Variants in DGKI observed in about 807,000 individuals in gnomAD.
DGKI encodes DAG kinase iota.
Under a neutral mutation model 147.5 loss-of-function variants are expected in DGKI, and 55 were observed. The observed-to-expected ratio is 0.37, with a 90% confidence interval of 0.30 to 0.47. DGKI has a LOEUF of 0.47. DGKI is among the 20% of genes least tolerant of loss of function. DGKI has a pLI of 1.00. For missense variants in DGKI, 1,007 were observed against 1,323.8 expected, an observed-to-expected ratio of 0.76 and a Z score of 3.71; for synonymous variants, 469 against 477.1, an observed-to-expected ratio of 0.98 and a Z score of 0.22.
chr7:137,646,820 AG>A (rs1402273135), intron 5 of DGKI, among the ~76,000 whole-genome samples: 2 of 152,192 alleles, frequency 1.3e-5, no homozygotes, highest in African/African-American at 4.8e-5. Flanking sequence ...ATCAGTGTAG[AG>A]GGAAAAAAGG....
At chr7:137,577,457 CT>C (rs1316591389) in intron 16 of DGKI, among the ~76,000 whole-genome samples, 173 bp from the exon 17 acceptor site, 2 of 152,098 alleles carry the variant, frequency 1.3e-5, no homozygotes, top group African/African-American at 4.8e-5. Flanking sequence ...TGAAATTTTT[CT>C]CTTTGTTTCC....
chr7:137,572,745 A>G lies in DGKI; in HGVS notation c.1835+20T>C, dbSNP rs1457077927. ...TCAGAGTTCACGTCAAACCAAGGAA[A>G]CAATACAAACAGAGCCTACCTGGGT... On this transcript the variant is annotated intron_variant, in intron 18 of 32. Coordinates refer to ENST00000614521, the MANE Select transcript of DGKI (RefSeq NM_001321708.2). The G allele has an allele frequency of 6.5e-7, 1 of 1,548,584 alleles. No homozygotes were observed. Among genetic ancestry groups the G allele is most frequent in the East Asian group, 2.3e-5 (1 of 44,256 alleles).
chr7:137,677,539 T>C (rs1823076577), intron 3 of DGKI, among the ~76,000 whole-genome samples: 1 of 152,206 alleles, frequency 6.6e-6, no homozygotes, highest in Non-Finnish European at 1.5e-5. Context: ...AAAAAGGTCT[T>C]GGTTCTGGGA....
At chr7:137,570,093 T>C (rs1469678634) in intron 19 of DGKI, among the ~76,000 whole-genome samples, 1 of 152,160 alleles carries the variant, frequency 6.6e-6, no homozygotes, top group African/African-American at 2.4e-5. Context: ...TATTTTGATT[T>C]GTTTAGAATG....
rs535646640 is a variant in DGKI at position 137,699,789 on chromosome 7, C to T, written c.402-9787G>A. Among the ~76,000 whole-genome samples the T allele has an allele frequency of 2.0e-5, 3 of 152,282 alleles. No homozygotes were observed. The South Asian group carries it at 6.2e-4, about 32-fold the overall frequency. On this transcript the variant is annotated intron_variant, in intron 1 of 32. Coordinates refer to ENST00000614521, the MANE Select transcript of DGKI (RefSeq NM_001321708.2). ...TGCTAGCACACTTGGTCCCTTCCCC[C>T]TTCAATTTCACCTGGACGCCTATAC... is the stretch of plus-strand genomic sequence containing the variant.
At chr7:137,696,574 G>A (rs1422896816) in intron 1 of DGKI, among the ~76,000 whole-genome samples, 1 of 150,496 alleles carries the variant, frequency 6.6e-6, no homozygotes, top group African/African-American at 2.5e-5. Context: ...CATCCATAAG[G>A]CAACACTGGT....
intron 28 of DGKI, among the ~76,000 whole-genome samples, chr7:137,422,940 C>G (rs1812638277): frequency 6.6e-6 from 1 of 152,150 alleles, no homozygotes; most frequent in South Asian, 2.1e-4. Context: ...AAAATAATTA[C>G]AGTACACTGT....
rs562575503 is a variant in DGKI at position 137,578,154 on chromosome 7, A to T, written c.1698+116T>A. On this transcript the variant is annotated intron_variant, in intron 16 of 32. Coordinates refer to ENST00000614521, the MANE Select transcript of DGKI (RefSeq NM_001321708.2). ...GCCATGAAACAGTAACCATAGATAGACATATATAAATGAGATGTATATGTG... is the reference window on the plus strand; with the variant it reads ...GCCATGAAACAGTAACCATAGATAGTCATATATAAATGAGATGTATATGTG... 4.0e-5 allele frequency: 27 copies of T among 673,076 alleles called. No individual in the cohort carries two copies. The South Asian group carries it at 4.6e-4, about 11-fold the overall frequency. The allele number at this position is 673,076 out of a possible 1,614,324, so 41.7% of individuals were successfully genotyped here.
chr7:137,526,639 G>T lies in DGKI; in HGVS notation c.2148-4673C>A, dbSNP rs1465299527. Among the ~76,000 whole-genome samples, 6 of 152,084 alleles carry T rather than the reference G, an allele frequency of 3.9e-5. 1 individual carries two copies. Among genetic ancestry groups the T allele is most frequent in the Admixed American group, 3.3e-4 (5 of 15,262 alleles). ...ACCTTTTACCCTGAGATGTTGGAAG[G>T]GAGGTAGACTGACTTTCCATTAAGA... On this transcript the variant is annotated intron_variant, in intron 20 of 32. Coordinates refer to ENST00000614521, the MANE Select transcript of DGKI (RefSeq NM_001321708.2).
Position 137,846,161 on chromosome 7 carries a change from T to TCTCTCTCTCACACACA in DGKI, c.401+300_401+301insTGTGTGTGAGAGAGAG, listed in dbSNP as rs781580130. Reference sequence around the variant, plus strand: ...CTCTCTCTCTCTCTCTCTCTCTCTCTCACACACACACACACACACACACAC... The same window carrying TCTCTCTCTCACACACA: ...CTCTCTCTCTCTCTCTCTCTCTCTCTCTCTCTCTCACACACACACACACACACACACACACACACAC... On this transcript the variant is annotated intron_variant, in intron 1 of 32. Transcript: ENST00000614521. This position sits in a 1 kb window ranked among gnomAD's most constrained non-coding sequence, Gnocchi z 4.0. Among the ~76,000 whole-genome samples the TCTCTCTCTCACACACA allele has an allele frequency of 1.3e-4, 14 of 108,218 alleles. No individual in the cohort carries two copies. The South Asian group carries it at 1.6e-3, about 13-fold the overall frequency. The allele number at this position is 108,218 out of a possible 152,430, so 71.0% of individuals were successfully genotyped here. A position where few individuals can be genotyped will look rare whatever the true frequency, so the allele number is the denominator to read the frequency against.
At chr7:137,541,524 G>A (rs1039299849) in intron 20 of DGKI, among the ~76,000 whole-genome samples, 7 of 151,896 alleles carry the variant, frequency 4.6e-5, no homozygotes, top group South Asian at 2.1e-4. Context: ...GCAAATACCC[G>A]TTTTATATGA....
intron 1 of DGKI, among the ~76,000 whole-genome samples, chr7:137,780,516 A>G (rs1796487824): frequency 6.6e-6 from 1 of 152,212 alleles, no homozygotes; most frequent in African/African-American, 2.4e-5. Context: ...GGTGTCTACA[A>G]GGAAGGTGAA....
intron 20 of DGKI, among the ~76,000 whole-genome samples, chr7:137,530,715 T>A (rs897653844): frequency 2.0e-5 from 3 of 152,278 alleles, no homozygotes; most frequent in African/African-American, 7.2e-5. Flanking sequence ...CACCTAATCA[T>A]GTGTGATTAG....
intron 30 of DGKI, among the ~76,000 whole-genome samples, chr7:137,398,720 C>T (rs1356041388): frequency 6.6e-6 from 1 of 151,984 alleles, no homozygotes; most frequent in Non-Finnish European, 1.5e-5. Flanking sequence ...TTCTCTTTCA[C>T]ACCTGCTATT....
intron 6 of DGKI, among the ~76,000 whole-genome samples, chr7:137,631,693 A>G (rs1406259360): frequency 6.6e-6 from 1 of 152,190 alleles, no homozygotes; most frequent in African/African-American, 2.4e-5. Context: ...CAAGAACCCT[A>G]GAAGATGATA....
rs1428886700 is a variant in DGKI, at chr7:137,770,594, C to T, written c.401+75868G>A. ...TGTCGCCCAGGCTGGAGTGCAGTGG[C>T]GGGATCTCGGCTCACTGCAAGCTCC... On this transcript the variant is annotated intron_variant, in intron 1 of 32. Transcript: ENST00000614521. 1.6e-4 allele frequency among the ~76,000 whole-genome samples: 7 copies of T among 44,632 alleles called. 3 individuals carry two copies. The highest frequency in any genetic ancestry group is 4.9e-4 in the Admixed American group (3 of 6,148). 29.3% of individuals were successfully genotyped at this position (44,632 alleles called of 152,430 possible).
chr7:137,570,839 T>A (rs1818768405), intron 19 of DGKI, among the ~76,000 whole-genome samples: 1 of 152,156 alleles, frequency 6.6e-6, no homozygotes, highest in Non-Finnish European at 1.5e-5. Context: ...TCCACCCACC[T>A]CGGCCTCCCA....
chr7:137,604,663 G>A (rs1820109185), intron 10 of DGKI, among the ~76,000 whole-genome samples: 1 of 152,116 alleles, frequency 6.6e-6, no homozygotes, highest in Non-Finnish European at 1.5e-5. Context: ...GCCAGGGTCT[G>A]GATCCCTTGG....
chr7:137,654,074 T>C (rs1421068505), intron 5 of DGKI, among the ~76,000 whole-genome samples: 1 of 152,212 alleles, frequency 6.6e-6, no homozygotes, highest in Non-Finnish European at 1.5e-5. Context: ...ATACCTCTGC[T>C]TCCCACTAAC....
Sources: allele counts gnomAD v4.1 joint callset (sites outside exome capture counted in the v4.1 genomes callset), GRCh38; gene constraint gnomAD v4.1.1; non-coding constraint Gnocchi (gnomAD v3.1); transcripts MANE v1.5; gene names NCBI Gene and HGNC (gene_info 2026-07-23, HGNC 2026-07-21).